Variants in CADM1 observed in about 807,000 individuals in gnomAD.
CADM1 encodes the protein TSLC-1.
In CADM1, 15 loss-of-function variants were observed where a neutral mutation model predicts 53.1. The observed-to-expected ratio is 0.28, with a 90% confidence interval of 0.19 to 0.44. The LOEUF (loss-of-function observed/expected upper bound fraction) is 0.44, where lower values mean the gene tolerates loss of function less well. CADM1 is among the 20% of genes least tolerant of loss of function. The pLI is 1.00. For synonymous variants in CADM1, 281 were observed against 243.0 expected, an observed-to-expected ratio of 1.16 and a Z score of -1.45; for missense variants, 434 against 611.3, an observed-to-expected ratio of 0.71 and a Z score of 3.06.
intron 5 of CADM1, among the ~76,000 whole-genome samples, chr11:115,225,093 T>G (rs1360307411): frequency 2.6e-5 from 4 of 152,218 alleles, no homozygotes; most frequent in African/African-American, 9.6e-5. Flanking sequence ...TGTGTGCTGC[T>G]GCTGTACCCT....
At chr11:115,206,788 T>TTTTTTTTTTTTTTTTTC (rs1565297529) in intron 8 of CADM1, among the ~76,000 whole-genome samples, 1 of 143,230 alleles carries the variant, frequency 7.0e-6, no homozygotes, top group Non-Finnish European at 1.5e-5. Flanking sequence ...TTTTTTTTTT[T>TTTTTTTTTTTTTTTTTC]TAAGCTCAGG....
intron 1 of CADM1, among the ~76,000 whole-genome samples, chr11:115,476,537 G>A (rs1046520453): frequency 2.0e-5 from 3 of 152,160 alleles, no homozygotes; most frequent in Non-Finnish European, 2.9e-5. Context: ...TCAGGAGATG[G>A]CAGCAGGAGG....
At chr11:115,307,056 C>T (rs1283488539) in intron 1 of CADM1, among the ~76,000 whole-genome samples, 1 of 151,936 alleles carries the variant, frequency 6.6e-6, no homozygotes, top group Admixed American at 6.6e-5. Context: ...CATGCAATAG[C>T]ATTCAAATAG....
At chr11:115,228,178 C>T (rs962180512) in intron 5 of CADM1, among the ~76,000 whole-genome samples, 1 of 152,178 alleles carries the variant, frequency 6.6e-6, no homozygotes, top group Non-Finnish European at 1.5e-5. Flanking sequence ...ACGATCCATC[C>T]CTACAGTCTT....
chr11:115,432,512 T>C (rs1482223709), intron 1 of CADM1, among the ~76,000 whole-genome samples: 3 of 152,224 alleles, frequency 2.0e-5, no homozygotes, highest in African/African-American at 4.8e-5. Context: ...GCCTACAGCC[T>C]GGCTGTAGAC....
At chr11:115,342,754 A>T (rs577661123) in intron 1 of CADM1, among the ~76,000 whole-genome samples, 1 of 152,210 alleles carries the variant, frequency 6.6e-6, no homozygotes, top group East Asian at 1.9e-4. Context: ...ATTTTACCAC[A>T]GTTAGTTTCA....
Position 115,283,959 on chromosome 11 carries a change from T to C in CADM1, c.125-43539A>G, listed in dbSNP as rs1428971992. Among the ~76,000 whole-genome samples the C allele has an allele frequency of 3.3e-5, 5 of 152,170 alleles. No individual in the cohort carries two copies. The South Asian group carries it at 6.2e-4, about 19-fold the overall frequency. Reference sequence around the variant, plus strand: ...AATAGGACTGAATGCAATGGACAAGTGAAGAAAAGCTTTAAGGGATCGGGT... The same window carrying C: ...AATAGGACTGAATGCAATGGACAAGCGAAGAAAAGCTTTAAGGGATCGGGT... On this transcript the variant is annotated intron_variant, in intron 1 of 11. Transcript: ENST00000331581.
At chr11:115,453,761 A>G (rs531023403) in intron 1 of CADM1, among the ~76,000 whole-genome samples, 3 of 152,206 alleles carry the variant, frequency 2.0e-5, no homozygotes, top group Non-Finnish European at 4.4e-5. Context: ...GCCCTCCCAA[A>G]ACTTACTTTC....
intron 1 of CADM1, among the ~76,000 whole-genome samples, chr11:115,425,286 T>C (rs1947862162): frequency 6.6e-6 from 1 of 152,242 alleles, no homozygotes; most frequent in South Asian, 2.1e-4. Flanking sequence ...GAGTTTCTAT[T>C]TTCCTAACCA....
At chr11:115,353,944 C>T (rs190593609) in intron 1 of CADM1, among the ~76,000 whole-genome samples, 12 of 152,132 alleles carry the variant, frequency 7.9e-5, no homozygotes, top group Non-Finnish European at 8.8e-5. Context: ...AACTAGGCTA[C>T]GGCCAGACTG....
chr11:115,257,308 A>T (rs1342293910), intron 1 of CADM1, among the ~76,000 whole-genome samples: 1 of 152,192 alleles, frequency 6.6e-6, no homozygotes, highest in African/African-American at 2.4e-5. Flanking sequence ...TCATGAAATG[A>T]TTAAAAATAC....
chr11:115,266,275 T>A lies in CADM1; in HGVS notation c.125-25855A>T, dbSNP rs142320859. ...CTTAACATTAGGTGGCTTTGACAGA[T>A]GTTACTCATAGCAGTGAAATGTAAC... On this transcript the variant is annotated intron_variant, in intron 1 of 11. Coordinates refer to ENST00000331581, the MANE Select transcript of CADM1 (RefSeq NM_001301043.2). Among the ~76,000 whole-genome samples the A allele has an allele frequency of 2.6e-5, 4 of 152,390 alleles. No individual in the cohort carries two copies. The East Asian group carries it at 5.8e-4, about 22-fold the overall frequency.
At chr11:115,496,901 A>G (rs891419635) in intron 1 of CADM1, among the ~76,000 whole-genome samples, 2 of 152,216 alleles carry the variant, frequency 1.3e-5, no homozygotes, top group Non-Finnish European at 2.9e-5. Flanking sequence ...ACCTACTGCA[A>G]AAAGATTAAA....
At chr11:115,270,682 A>G (rs929310386) in intron 1 of CADM1, among the ~76,000 whole-genome samples, 1 of 152,198 alleles carries the variant, frequency 6.6e-6, no homozygotes, top group Non-Finnish European at 1.5e-5. Context: ...ATAAATGGGC[A>G]TTCTTATCTC....
chr11:115,428,707 TAG>T lies in CADM1; in HGVS notation c.124+75562_124+75563del, dbSNP rs565420677. On this transcript the variant is annotated intron_variant, in intron 1 of 11. Coordinates refer to ENST00000331581, the MANE Select transcript of CADM1 (RefSeq NM_001301043.2). ...TTCTTAATATACCACTGACAGAATGTAGAGATATCATTTTAAAGGTTTCACTC... is the reference window on the plus strand; with the variant it reads ...TTCTTAATATACCACTGACAGAATGTAGATATCATTTTAAAGGTTTCACTC... 1.6e-4 allele frequency among the ~76,000 whole-genome samples: 25 copies of T among 152,254 alleles called. No homozygotes were observed. In the South Asian group the frequency reaches 2.9e-3, roughly 18 times the overall value.
chr11:115,375,206 A>G (rs1004525584), intron 1 of CADM1, among the ~76,000 whole-genome samples: 2 of 152,214 alleles, frequency 1.3e-5, no homozygotes, highest in African/African-American at 4.8e-5. Flanking sequence ...AGAACATGAT[A>G]TTCAATACAC....
intron 10 of CADM1, among the ~76,000 whole-genome samples, chr11:115,187,394 G>C (rs1456431902): frequency 6.6e-6 from 1 of 152,164 alleles, no homozygotes; most frequent in Non-Finnish European, 1.5e-5. Context: ...GATCAAAAGA[G>C]CTTTAAGTGC....
At chr11:115,382,473 C>T (rs139834110) in intron 1 of CADM1, among the ~76,000 whole-genome samples, 1 of 152,194 alleles carries the variant, frequency 6.6e-6, no homozygotes, top group African/African-American at 2.4e-5. Flanking sequence ...ATGTTATATT[C>T]AAGAAGAACA....
intron 1 of CADM1, among the ~76,000 whole-genome samples, chr11:115,430,934 T>C (rs745452734): frequency 6.6e-6 from 1 of 152,214 alleles, no homozygotes; most frequent in Non-Finnish European, 1.5e-5. Context: ...AGGCAGCAAA[T>C]GTTTGTTTCC....
Sources: gnomAD v4.1 joint callset for allele counts (sites outside exome capture counted in the v4.1 genomes callset) on GRCh38, gnomAD v4.1.1 for gene constraint, MANE v1.5 for transcripts, NCBI Gene and HGNC (gene_info 2026-07-23, HGNC 2026-07-21) for gene names.